The following SPAG5 variants were observed in gnomAD, a reference collection of about 807,000 sequenced individuals.
SPAG5 encodes the protein sperm-associated antigen 5.
In SPAG5, 99 loss-of-function variants were observed where a neutral mutation model predicts 145.4. The observed-to-expected ratio is 0.68, with a 90% CI of 0.58 to 0.80. The LOEUF is 0.80. Among genes scored for constraint, SPAG5 ranks in the 30% least tolerant of loss-of-function variants. The pLI is 0.00. For synonymous variants in SPAG5, 477 were observed against 525.4 expected (o/e 0.91, Z 1.26); for missense variants, 1,192 against 1,416.0 (o/e 0.84, Z 2.54).
rs571103201 is a variant in SPAG5 at position 28,579,800 on chromosome 17, G to A, written c.2835C>T (p.Asp945=). ...ESTPVPLLGS[D]KSAFTRVASM... ...ATGCTACTCGGGTGAAAGCACTCTT[G>A]TCACTTCCAAGCAAGGGCACAGGAG... is the stretch of plus-strand genomic sequence containing the variant. Residue 945 remains aspartate, a synonymous_variant, in exon 17 of 24, where the codon GAC becomes GAT. Transcript: ENST00000321765. The A allele has an allele frequency of 1.4e-5, 23 of 1,614,070 alleles. No individual in the cohort carries two copies. The highest frequency in any genetic ancestry group is 8.8e-5 in the South Asian group (8 of 91,082).
In SPAG5 at chr17:28,592,529, C is replaced by T. The variant is rs1361227462; in HGVS notation, c.715G>A (p.Ala239Thr). The T allele has an allele frequency of 1.2e-5, 20 of 1,614,036 alleles. No homozygotes were observed. Among genetic ancestry groups the T allele is most frequent in the African/African-American group, 6.7e-5 (5 of 74,938 alleles). The change falls in exon 3 of 24, where the codon GCC (alanine) becomes ACC (threonine). Residue 239 changes from alanine to threonine, a missense_variant. Physicochemically the swap from Ala to Thr is moderately conservative, Grantham distance 58 (BLOSUM62 0). Transcript: ENST00000321765. ...REDLVPSESN[A>T]FLPSSVLWLS... ...CAGAGAACAGAGGAAGGCAAGAAGG[C>T]GTTACTTTCAGAAGGTACTAAGTCC... is the stretch of plus-strand genomic sequence containing the variant.
chr17:28,592,587 T>C lies in SPAG5; in HGVS notation c.657A>G (p.Glu219=). The C allele has an allele frequency of 6.2e-7, 1 of 1,614,218 alleles. No homozygotes were observed. Among genetic ancestry groups the C allele is most frequent in the South Asian group, 1.1e-5 (1 of 91,090 alleles). The stretch of plus-strand genomic sequence containing the variant: ...CAGCCTCAGTTCTACTGCTCAGGCT[T>C]TCCTTGGAGCAATGTAGTTGTTCAG... ...PCSEQLHCSK[E]SLSSRTEAVR... Residue 219 remains glutamate (E), a synonymous_variant, in exon 3 of 24, where the codon GAA becomes GAG. Coordinates refer to ENST00000321765, the MANE Select transcript of SPAG5 (RefSeq NM_006461.4).
chr17:28,586,042 G>T (rs2070583508), intron 6 of SPAG5, 44 bp from the exon 7 acceptor site: 1 of 1,613,834 alleles, frequency 6.2e-7, no homozygotes, highest in African/African-American at 1.3e-5. Flanking sequence ...CCTCTTTATG[G>T]CTTTTAGTCC....
chr17:28,589,911 C>CA (rs1214073221), intron 4 of SPAG5, among the ~76,000 whole-genome samples: 2 of 151,982 alleles, frequency 1.3e-5, no homozygotes, highest in Non-Finnish European at 2.9e-5. Context: ...GAAACTATCT[C>CA]AAAAAATAAA....
At chr17:28,596,649 C>T (rs559018796) in intron 2 of SPAG5, among the ~76,000 whole-genome samples, 1 of 152,186 alleles carries the variant, frequency 6.6e-6, no homozygotes, top group South Asian at 2.1e-4. Flanking sequence ...GCCTAGGGAA[C>T]AAGAGCAAAA....
intron 4 of SPAG5, among the ~76,000 whole-genome samples, chr17:28,590,101 A>G (rs1371927151): frequency 1.3e-5 from 2 of 152,240 alleles, no homozygotes; most frequent in Non-Finnish European, 2.9e-5. Context: ...TTCTAATAAA[A>G]TAAACATGCT....
intron 4 of SPAG5, 56 bp downstream of exon 4, chr17:28,591,642 T>G: frequency 6.6e-7 from 1 of 1,508,634 alleles, no homozygotes; most frequent in South Asian, 1.2e-5. Flanking sequence ...GCTTCTCAGC[T>G]TAAATTCCAA....
rs769602584 is a variant in SPAG5 at position 28,592,098 on chromosome 17, G to C, written c.1146C>G (p.Cys382Trp). ...AAIGTTPFST[C>W]SVGTWFTPSA... ...AAGGAGTAAACCAAGTCCCCACCGA[G>C]CAAGTAGAGAAAGGGGTAGTGCCAA... is the stretch of plus-strand genomic sequence containing the variant. The change falls in exon 3 of 24, where the codon TGC becomes TGG. Residue 382 changes from cysteine (C) to tryptophan (W), a missense_variant. Cys to Trp is a radical substitution (Grantham distance 215). Around this residue, in one of 5 missense-constraint regions of SPAG5, gnomAD observed 125 missense variants for 143.8 expected, o/e 0.87. Coordinates refer to ENST00000321765, the MANE Select transcript of SPAG5 (RefSeq NM_006461.4). 1 of 1,614,158 alleles carries C rather than the reference G, an allele frequency of 6.2e-7. No individual in the cohort carries two copies. Among genetic ancestry groups the C allele is most frequent in the Non-Finnish European group, 8.5e-7 (1 of 1,180,028 alleles).
intron 4 of SPAG5, among the ~76,000 whole-genome samples, chr17:28,586,870 C>A (rs897400794): frequency 6.6e-6 from 1 of 152,122 alleles, no homozygotes; most frequent in Admixed American, 6.6e-5. Flanking sequence ...ACCACCAGCA[C>A]CTCATTCTTC....
At position 28,592,595 on chromosome 17, in the gene SPAG5, A is replaced by G. The variant is rs1463084301; in HGVS notation, c.649T>C (p.Ser217Pro). The G allele has an allele frequency of 2.5e-6, 4 of 1,614,074 alleles. No individual in the cohort carries two copies. The East Asian group carries it at 8.9e-5, about 36-fold the overall frequency. ...PNPCSEQLHC[S>P]KESLSSRTEA... is the part of the protein sequence containing the mutation. ...GTTCTACTGCTCAGGCTTTCCTTGG[A>G]GCAATGTAGTTGTTCAGAACAGGGA... The change falls in exon 3 of 24, where the codon TCC (serine) becomes CCC (proline). Residue 217 changes from serine to proline, a missense_variant. Around this residue, in one of 5 missense-constraint regions of SPAG5, gnomAD observed 329 missense variants for 354.0 expected, o/e 0.93. Transcript: ENST00000321765.
rs114527835 is a variant in SPAG5 at position 28,598,987 on chromosome 17, C to A, written c.-41G>T. The A allele has an allele frequency of 6.2e-6, 10 of 1,600,126 alleles. No homozygotes were observed. The highest frequency in any genetic ancestry group is 7.7e-6 in the Non-Finnish European group (9 of 1,167,550). On this transcript the variant is annotated 5_prime_UTR_variant, in exon 1 of 24. Coordinates refer to ENST00000321765, the MANE Select transcript of SPAG5 (RefSeq NM_006461.4). ...AGGCCTATCACGTCTCAGACCAAGTCGAGGACGCCATGTTCACCCGCCGTC... is the reference window on the plus strand; with the variant it reads ...AGGCCTATCACGTCTCAGACCAAGTAGAGGACGCCATGTTCACCCGCCGTC...
chr17:28,579,967 A>G, intron 16 of SPAG5, 42 bp downstream of exon 16: 1 of 1,548,596 alleles, frequency 6.5e-7, no homozygotes, highest in Non-Finnish European at 8.9e-7. Flanking sequence ...TATCAGGAGC[A>G]GCGTCACAAC....
At chr17:28,584,036 C>T in intron 13 of SPAG5, 50 bp from the exon 14 acceptor site, 2 of 1,611,868 alleles carry the variant, frequency 1.2e-6, no homozygotes, top group Non-Finnish European at 8.5e-7. Flanking sequence ...TTTTAGTGCC[C>T]TGGGTACAGA....
chr17:28,579,216 TTCTTCCTGGGCC>T lies in SPAG5; in HGVS notation c.3030_3041del (p.Ala1011_Glu1014del). ...TTGCCTTCTGGACTTCCTGATGCTG[TTCTTCCTGGGCC>T]TGCAGCCTAGCTTGCAGCTCACAAC... On this transcript the variant is annotated inframe_deletion, in exon 19 of 24. Transcript: ENST00000321765. 6.2e-7 allele frequency: 1 copy of T among 1,614,212 alleles called. No homozygotes were observed. The highest frequency in any genetic ancestry group is 8.5e-7 in the Non-Finnish European group (1 of 1,180,052).
At chr17:28,595,290 AGTGTGT>A (rs143277490) in intron 2 of SPAG5, among the ~76,000 whole-genome samples, 9 of 148,494 alleles carry the variant, frequency 6.1e-5, no homozygotes, top group South Asian at 2.1e-4. Context: ...TATAAAGATG[AGTGTGT>A]GTGTGTGTGT....
In SPAG5 at chr17:28,584,706, C is replaced by G; in HGVS notation, c.2107G>C (p.Glu703Gln). ...VLEQVSAQLE[E>Q]CKGQTEQLEL... The stretch of plus-strand genomic sequence containing the variant: ...AGTTGTTCTGTTTGGCCTTTGCACT[C>G]CTCTAACTGGGCAGAGACTTGTTCC... The change falls in exon 11 of 24, where the codon GAG (glutamate) becomes CAG (glutamine). Residue 703 changes from glutamate to glutamine, a missense_variant. By Grantham distance (29) the Glu-to-Gln change is conservative (BLOSUM62 2). Around this residue, in one of 5 missense-constraint regions of SPAG5, gnomAD observed 709 missense variants for 840.7 expected, o/e 0.84. Transcript: ENST00000321765. The G allele has an allele frequency of 6.2e-7, 1 of 1,614,174 alleles. No individual in the cohort carries two copies. The highest frequency in any genetic ancestry group is 8.5e-7 in the Non-Finnish European group (1 of 1,180,014).
At position 28,579,796 on chromosome 17, in the gene SPAG5, T is replaced by C; in HGVS notation, c.2839A>G (p.Ser947Gly). 1 of 1,614,134 alleles carries C rather than the reference T, an allele frequency of 6.2e-7. No individual in the cohort carries two copies. The highest frequency in any genetic ancestry group is 8.5e-7 in the Non-Finnish European group (1 of 1,180,030). The stretch of plus-strand genomic sequence containing the variant: ...ATTGATGCTACTCGGGTGAAAGCAC[T>C]CTTGTCACTTCCAAGCAAGGGCACA... ...TPVPLLGSDK[S>G]AFTRVASMVS... is the part of the protein sequence containing the mutation. The change falls in exon 17 of 24, where the codon AGT becomes GGT. Residue 947 changes from serine (S) to glycine (G), a missense_variant. Physicochemically the swap from Ser to Gly is moderately conservative, Grantham distance 56. Around this residue, in one of 5 missense-constraint regions of SPAG5, gnomAD observed 709 missense variants for 840.7 expected, o/e 0.84. Transcript: ENST00000321765.
At chr17:28,591,491 C>G (rs189482599) in intron 4 of SPAG5, among the ~76,000 whole-genome samples, 3 of 152,322 alleles carry the variant, frequency 2.0e-5, no homozygotes, top group Admixed American at 2.0e-4. Flanking sequence ...TTTCAAATGC[C>G]TGGCCTCAAG....
intron 2 of SPAG5, among the ~76,000 whole-genome samples, chr17:28,595,936 A>G (rs773876806): frequency 2.6e-5 from 4 of 152,024 alleles, no homozygotes; most frequent in Non-Finnish European, 4.4e-5. Context: ...AATCCCAGCT[A>G]CTCAGGAGGC....
Sources: allele counts gnomAD v4.1 joint callset (sites outside exome capture counted in the v4.1 genomes callset), GRCh38; gene constraint gnomAD v4.1.1; regional missense constraint gnomAD v4.1.1; transcripts MANE v1.5; gene names NCBI Gene and HGNC (gene_info 2026-07-23, HGNC 2026-07-21).